Variants in POM121 observed in about 807,000 individuals in gnomAD.
POM121 encodes the protein nuclear envelope pore membrane protein POM 121.
POM121 carries 32 observed loss-of-function variants against 81.3 expected under a neutral mutation model. The observed-to-expected ratio is 0.39, with a 90% CI of 0.30 to 0.53. The LOEUF (loss-of-function observed/expected upper bound fraction) is 0.53. Among genes scored for constraint, POM121 ranks in the 20% least tolerant of loss-of-function variants. POM121 has a pLI of 0.66. For synonymous variants in POM121, 514 were observed against 694.2 expected, an observed-to-expected ratio of 0.74 and a Z score of 4.08; for missense variants, 1,138 against 1,614.6, an observed-to-expected ratio of 0.70 and a Z score of 5.06.
At chr7:72,908,633 T>A (rs1394325382) in intron 3 of POM121, among the ~76,000 whole-genome samples, 1 of 152,188 alleles carries the variant, frequency 6.6e-6, no homozygotes, top group Non-Finnish European at 1.5e-5. Flanking sequence ...TCCTCCCTTA[T>A]CTGCAACCGT....
At chr7:72,894,814 C>T (rs1165491428) in intron 3 of POM121, among the ~76,000 whole-genome samples, 2 of 151,914 alleles carry the variant, frequency 1.3e-5, no homozygotes, top group Non-Finnish European at 2.9e-5. Context: ...GCACAGCTGA[C>T]CATGCCTGGC....
Position 72,925,718 on chromosome 7 carries a change from C to T in POM121, c.597C>T (p.Pro199=). Residue 199 remains proline, a synonymous_variant, in exon 1 of 13, where the codon CCC becomes CCT. Coordinates refer to ENST00000434423, the MANE Select transcript of POM121 (RefSeq NM_001387691.1). ...PPTHRAHHVY[P]SLPTPLLRPS... ...CCCATCGCGCTCACCACGTTTACCC[C>T]TCTCTGCCCACTCCTCTTCTCCGAC... 6 of 1,286,052 alleles carry T rather than the reference C, an allele frequency of 4.7e-6. No homozygotes were observed. The highest frequency in any genetic ancestry group is 5.9e-6 in the Non-Finnish European group (6 of 1,014,110). The allele number at this position is 1,286,052 out of a possible 1,614,324, so 79.7% of individuals were successfully genotyped here.
At chr7:72,943,636 T>C (rs1797364828) in intron 11 of POM121, 114 bp downstream of exon 11, 1 of 1,454,672 alleles carries the variant, frequency 6.9e-7, no homozygotes. Context: ...GCACTGAATA[T>C]AGAACTCAGT....
Position 72,946,452 on chromosome 7 carries a change from C to T in POM121, c.*218C>T, listed in dbSNP as rs1062883. The stretch of plus-strand genomic sequence containing the variant: ...AAGCAGGATGCGGAGGGCCAAAGCC[C>T]GGGACCTCTACTTGAACAGTTCTAC... On this transcript the variant is annotated 3_prime_UTR_variant, in exon 13 of 13. Coordinates refer to ENST00000434423, the MANE Select transcript of POM121 (RefSeq NM_001387691.1). 1.6e-5 allele frequency: 23 copies of T among 1,394,552 alleles called. 1 individual carries two copies. The highest frequency in any genetic ancestry group is 6.2e-5 in the Admixed American group (2 of 32,456). 86.4% of individuals were successfully genotyped at this position (1,394,552 alleles called of 1,614,324 possible). A position where few individuals can be genotyped will look rare whatever the true frequency, so the allele number is the denominator to read the frequency against.
chr7:72,917,411 CA>C (rs1206504794), intron 4 of POM121, among the ~76,000 whole-genome samples: 5 of 152,196 alleles, frequency 3.3e-5, no homozygotes, highest in Admixed American at 6.5e-5. Context: ...CTGCCCTGGA[CA>C]AAGCCCGTGT....
chr7:72,925,807 T>C, intron 1 of POM121, 42 bp downstream of exon 1: 1 of 1,315,328 alleles, frequency 7.6e-7, no homozygotes. Flanking sequence ...CTGGCTCGGC[T>C]GGCTTGAAAT....
intron 11 of POM121, 70 bp from the exon 12 acceptor site, chr7:72,945,516 G>A (rs546503384): frequency 6.3e-7 from 1 of 1,588,236 alleles, no homozygotes; most frequent in South Asian, 1.1e-5. Context: ...CGGAGCACAG[G>A]CTCCTGCCCG....
rs1563154359 is a variant in POM121, at chr7:72,925,397, G to C, written c.276G>C (p.Leu92Phe). The C allele has an allele frequency of 1.3e-6, 2 of 1,533,822 alleles. No individual in the cohort carries two copies. The highest frequency in any genetic ancestry group is 2.4e-5 in the South Asian group (2 of 83,974). ...FVRKARHRRP[L>F]SSFVRKARHR... is the part of the protein sequence containing the mutation. The stretch of plus-strand genomic sequence containing the variant: ...GGAAGGCGCGTCATCGGCGCCCCTT[G>C]TCCTCCTTCGTTCGGAAGGCGCGTC... The change falls in exon 1 of 13, where the codon TTG (leucine) becomes TTC (phenylalanine). Residue 92 changes from leucine (L) to phenylalanine (F), a missense_variant. Physicochemically the swap from Leu to Phe is conservative, Grantham distance 22 (BLOSUM62 0). Transcript: ENST00000434423.
upstream of POM121, chr7:72,924,489 A>C (rs546064962): frequency 3.3e-5 from 5 of 152,362 alleles, no homozygotes; most frequent in Non-Finnish European, 7.3e-5. Flanking sequence ...AATCACCACC[A>C]CAATCTAATT....
chr7:72,885,395 G>A (rs1790608218), intron 1 of POM121, among the ~76,000 whole-genome samples: 1 of 151,858 alleles, frequency 6.6e-6, no homozygotes, highest in Non-Finnish European at 1.5e-5. Context: ...AATTGTGGGG[G>A]AGAGGGGATT....
At chr7:72,892,068 T>C (rs1257798614) in intron 3 of POM121, among the ~76,000 whole-genome samples, 1 of 152,242 alleles carries the variant, frequency 6.6e-6, no homozygotes, top group African/African-American at 2.4e-5. Context: ...GCTCTGTCCA[T>C]AGTAGACATT....
downstream of POM121, chr7:72,948,926 G>T (rs1065136): frequency 4.3e-6 from 7 of 1,612,500 alleles, no homozygotes; most frequent in Admixed American, 8.3e-5. Context: ...AGCGCATCTT[G>T]TACCATGTCT....
downstream of POM121, chr7:72,949,529 C>T (rs1403199359): frequency 6.5e-6 from 6 of 921,034 alleles, no homozygotes; most frequent in Non-Finnish European, 1.0e-5. Context: ...GCTGAGCATG[C>T]ATGGAGCAGC....
chr7:72,907,633 G>A (rs1307539275), intron 3 of POM121, among the ~76,000 whole-genome samples: 2 of 151,830 alleles, frequency 1.3e-5, no homozygotes, highest in Non-Finnish European at 2.9e-5. Flanking sequence ...GCTTCAGCCT[G>A]TTGAGTAGCT....
chr7:72,915,740 C>T (rs1794232954), intron 4 of POM121, among the ~76,000 whole-genome samples: 1 of 152,106 alleles, frequency 6.6e-6, no homozygotes, highest in Non-Finnish European at 1.5e-5. Flanking sequence ...TGGCGTGATC[C>T]AGGCTCACTG....
intron 3 of POM121, among the ~76,000 whole-genome samples, chr7:72,898,607 G>C (rs1563137836): frequency 6.6e-6 from 1 of 152,050 alleles, no homozygotes; most frequent in Non-Finnish European, 1.5e-5. Context: ...GCCCAGCCTG[G>C]CCAACATGGC....
At chr7:72,913,222 C>T (rs1283495827) in intron 3 of POM121, among the ~76,000 whole-genome samples, 2 of 152,228 alleles carry the variant, frequency 1.3e-5, no homozygotes, top group African/African-American at 2.4e-5. Context: ...CAGAGAATAG[C>T]GGATGCCCAG....
chr7:72,922,118 C>T (rs1479882579), upstream of POM121, among the ~76,000 whole-genome samples: 1 of 151,978 alleles, frequency 6.6e-6, no homozygotes, highest in African/African-American at 2.4e-5. Flanking sequence ...TTACTTTAGT[C>T]TTTACTAGAT....
intron 3 of POM121, among the ~76,000 whole-genome samples, chr7:72,896,278 G>A (rs188629811): frequency 1.5e-3 from 230 of 152,014 alleles, no homozygotes; most frequent in African/African-American, 3.1e-3. Flanking sequence ...TGAGCCCAGG[G>A]GTTCGAGGTC....
Sources: allele counts gnomAD v4.1 joint callset (sites outside exome capture counted in the v4.1 genomes callset), GRCh38; gene constraint gnomAD v4.1.1; transcripts MANE v1.5; gene names NCBI Gene and HGNC (gene_info 2026-07-23, HGNC 2026-07-21).